CD53: variants seen among roughly 807,000 people sequenced by gnomAD.
CD53 encodes CD53 molecule, also known as leukocyte surface antigen CD53.
CD53 carries 20 observed loss-of-function variants against 27.3 expected under a neutral mutation model. That is an observed-to-expected ratio of 0.73 (90% CI 0.52 to 1.07). The LOEUF is 1.07. Among genes scored for constraint, CD53 ranks in the 50% least tolerant of loss-of-function variants. The probability of loss-of-function intolerance (pLI) is 0.00; values close to 1 mark genes in which losing one functional copy is unlikely to be tolerated. For missense variants in CD53, 216 were observed against 264.0 expected (o/e 0.82, Z 1.26); for synonymous variants, 106 against 105.3 (o/e 1.01, Z -0.04).
chr1:110,895,376 A>G (rs911501939), intron 5 of CD53, among the ~76,000 whole-genome samples: 3 of 152,252 alleles, frequency 2.0e-5, no homozygotes, highest in Non-Finnish European at 4.4e-5. Context: ...ACAGCATTGT[A>G]TAACACAAGA....
chr1:110,877,551 T>C (rs1270854160), intron 1 of CD53, among the ~76,000 whole-genome samples: 2 of 152,216 alleles, frequency 1.3e-5, no homozygotes, highest in African/African-American at 4.8e-5. Context: ...AGTATCTTGC[T>C]AAGCTCCCAC....
intron 1 of CD53, among the ~76,000 whole-genome samples, chr1:110,883,793 C>G (rs1487928437): frequency 6.6e-6 from 1 of 151,874 alleles, no homozygotes; most frequent in East Asian, 1.9e-4. Context: ...TCAGTGAATT[C>G]ATCTATTTCA....
chr1:110,886,927 G>A (rs12119173), intron 1 of CD53, among the ~76,000 whole-genome samples: 91,308 of 143,806 alleles, frequency 0.63, 31,083 homozygotes, highest in Non-Finnish European at 0.76. Context: ...CTTCAAGTTC[G>A]CTAGTTTTTT....
At chr1:110,886,869 A>ATATATATATATATATATATTT (rs1298376721) in intron 1 of CD53, among the ~76,000 whole-genome samples, 3 of 82,782 alleles carry the variant, frequency 3.6e-5, no homozygotes, top group Non-Finnish European at 6.7e-5. Context: ...ATATATATAT[A>ATATATATATATATATATATTT]TTTTTTTTTT....
intron 1 of CD53, among the ~76,000 whole-genome samples, chr1:110,876,266 T>C (rs183242347): frequency 5.3e-5 from 8 of 152,330 alleles, no homozygotes; most frequent in Non-Finnish European, 1.0e-4. Flanking sequence ...CTTCTGATTC[T>C]CTATGGCATG....
At chr1:110,884,213 A>G (rs575523888) in intron 1 of CD53, among the ~76,000 whole-genome samples, 11 of 152,176 alleles carry the variant, frequency 7.2e-5, no homozygotes, top group Middle Eastern at 3.4e-3. Context: ...ATGTTTTTAA[A>G]GTTTTTCTCA....
At chr1:110,884,636 G>A (rs1656494780) in intron 1 of CD53, among the ~76,000 whole-genome samples, 1 of 151,812 alleles carries the variant, frequency 6.6e-6, no homozygotes, top group Non-Finnish European at 1.5e-5. Flanking sequence ...ATTTTGACTA[G>A]GTGCAAAAAC....
intron 1 of CD53, among the ~76,000 whole-genome samples, chr1:110,889,656 G>C (rs748123412): frequency 3.3e-4 from 50 of 152,100 alleles, no homozygotes; most frequent in Non-Finnish European, 6.2e-4. Context: ...TGTGTGATAA[G>C]ATCATTTAAT....
At chr1:110,885,658 T>TTCGAG (rs1331242835) in intron 1 of CD53, among the ~76,000 whole-genome samples, 1 of 151,462 alleles carries the variant, frequency 6.6e-6, no homozygotes, top group Non-Finnish European at 1.5e-5. Context: ...AGGTCAGGAG[T>TTCGAG]TCGAGACCAG....
intron 1 of CD53, among the ~76,000 whole-genome samples, chr1:110,885,465 G>A (rs1188300487): frequency 5.3e-5 from 8 of 152,164 alleles, no homozygotes; most frequent in Non-Finnish European, 8.8e-5. Flanking sequence ...GTGAACCGGG[G>A]AGGCGGAGCT....
rs1656015598 is a variant in CD53 at position 110,873,245 on chromosome 1, A to T, written c.-21A>T. On this transcript the variant is annotated 5_prime_UTR_variant, in exon 1 of 8. Coordinates refer to ENST00000271324, the MANE Select transcript of CD53 (RefSeq NM_000560.4). ...AAAGGACTGAGGAACGGTGCCTGGAAAAGGTAAGGTTGATGACGTTTTAAC... is the reference window on the plus strand; with the variant it reads ...AAAGGACTGAGGAACGGTGCCTGGATAAGGTAAGGTTGATGACGTTTTAAC... 1 of 152,700 alleles carries T rather than the reference A, an allele frequency of 6.5e-6. No individual in the cohort carries two copies. The allele number at this position is 152,700 out of a possible 1,614,324, so 9.5% of individuals were successfully genotyped here. A position where few individuals can be genotyped will look rare whatever the true frequency, so the allele number is the denominator to read the frequency against.
chr1:110,871,918 G>A (rs1481062426), upstream of CD53, among the ~76,000 whole-genome samples: 1 of 151,608 alleles, frequency 6.6e-6, no homozygotes, highest in Non-Finnish European at 1.5e-5. Flanking sequence ...AGAATATTAA[G>A]GACTGACAAG....
At position 110,895,063 on chromosome 1, in the gene CD53, C is replaced by T. The variant is rs1184458305; in HGVS notation, c.423+8C>T. The T allele has an allele frequency of 1.3e-6, 2 of 1,589,748 alleles. No homozygotes were observed. The highest frequency in any genetic ancestry group is 1.7e-6 in the Non-Finnish European group (2 of 1,158,046). On this transcript the variant is annotated splice_region_variant and intron_variant, in intron 5 of 7. Coordinates refer to ENST00000271324, the MANE Select transcript of CD53 (RefSeq NM_000560.4). The stretch of plus-strand genomic sequence containing the variant: ...GACTCCATCCAGTCATTTGTGAGTA[C>T]AGGTGGAATCCTCTTCAGATCAGCC...
At chr1:110,882,792 G>C (rs1656410522) in intron 1 of CD53, among the ~76,000 whole-genome samples, 1 of 151,944 alleles carries the variant, frequency 6.6e-6, no homozygotes, top group Non-Finnish European at 1.5e-5. Flanking sequence ...ACTTTTGTCA[G>C]ATTTATGCCT....
Position 110,894,363 on chromosome 1 carries a change from G to A in CD53, c.289G>A (p.Val97Met). 1 of 1,614,120 alleles carries A rather than the reference G, an allele frequency of 6.2e-7. No individual in the cohort carries two copies. Among genetic ancestry groups the A allele is most frequent in the Non-Finnish European group, 8.5e-7 (1 of 1,179,994 alleles). Residue 97 changes from valine to methionine, a missense_variant, in exon 4 of 8, where the codon GTG becomes ATG. Val to Met is a conservative substitution (Grantham distance 21). Transcript: ENST00000271324. ...ILLLIILLAEVTLAILLFVYE... is the reference protein window; with the variant it reads ...ILLLIILLAEMTLAILLFVYE... ...GCTGCTGATTATCCTCCTTGCTGAGGTGACCTTGGCCATCCTGCTCTTTGT... is the reference window on the plus strand; with the variant it reads ...GCTGCTGATTATCCTCCTTGCTGAGATGACCTTGGCCATCCTGCTCTTTGT...
chr1:110,877,076 C>T (rs962758041), intron 1 of CD53, among the ~76,000 whole-genome samples: 1 of 152,160 alleles, frequency 6.6e-6, no homozygotes, highest in East Asian at 1.9e-4. Context: ...CCACCAATTA[C>T]CTCTTTAATA....
intron 1 of CD53, among the ~76,000 whole-genome samples, chr1:110,875,514 T>C (rs1333979666): frequency 1.3e-5 from 2 of 152,194 alleles, no homozygotes; most frequent in African/African-American, 4.8e-5. Context: ...TAGCTTCTGT[T>C]CCAGGAAGTA....
At chr1:110,885,981 G>A (rs958250671) in intron 1 of CD53, among the ~76,000 whole-genome samples, 1 of 152,130 alleles carries the variant, frequency 6.6e-6, no homozygotes, top group East Asian at 1.9e-4. Context: ...TAAATCTGTA[G>A]TTCCATCTGG....
At chr1:110,887,498 G>T (rs975830415) in intron 1 of CD53, among the ~76,000 whole-genome samples, 6 of 152,146 alleles carry the variant, frequency 3.9e-5, no homozygotes, top group African/African-American at 1.4e-4. Flanking sequence ...GAATCTATGT[G>T]TAAATTTTAC....
Sources: allele counts gnomAD v4.1 joint callset (sites outside exome capture counted in the v4.1 genomes callset), GRCh38; gene constraint gnomAD v4.1.1; transcripts MANE v1.5; gene names NCBI Gene and HGNC (gene_info 2026-07-23, HGNC 2026-07-21).